UBE2G1: variants seen among roughly 807,000 people sequenced by gnomAD.
The protein encoded by UBE2G1 is ubiquitin-conjugating enzyme E2 G1.
UBE2G1 carries 5 observed loss-of-function variants against 22.7 expected under a neutral mutation model. That is an observed-to-expected ratio of 0.22 (90% CI 0.12 to 0.46). UBE2G1 has a LOEUF of 0.46. Among genes scored for constraint, UBE2G1 ranks in the 20% least tolerant of loss-of-function variants. The probability of loss-of-function intolerance (pLI) is 0.99; values close to 1 mark genes in which losing one functional copy is unlikely to be tolerated. For missense variants in UBE2G1, 88 were observed against 203.9 expected (o/e 0.43, Z 3.46); for synonymous variants, 74 against 67.5 (o/e 1.10, Z -0.47).
intron 1 of UBE2G1, among the ~76,000 whole-genome samples, chr17:4,320,091 A>G (rs1014009190): frequency 2.0e-5 from 3 of 152,050 alleles, no homozygotes. Flanking sequence ...ATAAATTTAC[A>G]TTGTCAGGAT....
At chr17:4,303,393 A>ATT (rs909059737) in intron 2 of UBE2G1, among the ~76,000 whole-genome samples, 1 of 151,176 alleles carries the variant, frequency 6.6e-6, no homozygotes, top group African/African-American at 2.4e-5. Context: ...GGAAAAAATA[A>ATT]TTTTTTTTTT....
intron 1 of UBE2G1, among the ~76,000 whole-genome samples, chr17:4,363,759 T>C (rs962805966): frequency 2.0e-5 from 3 of 151,702 alleles, no homozygotes; most frequent in African/African-American, 7.3e-5. Context: ...AAGACCATCC[T>C]GGCTAACACA....
Position 4,300,070 on chromosome 17 carries a change from C to T in UBE2G1, c.150-3256G>A, listed in dbSNP as rs188131887. On this transcript the variant is annotated intron_variant, in intron 2 of 5. Coordinates refer to ENST00000396981, the MANE Select transcript of UBE2G1 (RefSeq NM_003342.5). ...TTGAACTCCTGACCTTCTGAGCCAC[C>T]GCACCTGGCCTACCTGCTTTTTTTT... 1.0e-3 allele frequency among the ~76,000 whole-genome samples: 122 copies of T among 119,518 alleles called. 3 individuals carry two copies. In the East Asian group the frequency reaches 0.021, roughly 20 times the overall value. The allele number at this position is 119,518 out of a possible 152,430, so 78.4% of individuals were successfully genotyped here. A position where few individuals can be genotyped will look rare whatever the true frequency, so the allele number is the denominator to read the frequency against.
chr17:4,360,300 T>C (rs541216556), intron 1 of UBE2G1, among the ~76,000 whole-genome samples: 2 of 152,298 alleles, frequency 1.3e-5, no homozygotes, highest in South Asian at 4.1e-4. Context: ...TAAATCAAAC[T>C]GATCTCATTA....
intron 2 of UBE2G1, chr17:4,301,557 T>C (rs1044114448): frequency 9.7e-6 from 13 of 1,335,682 alleles, no homozygotes; most frequent in Non-Finnish European, 1.4e-5. Flanking sequence ...CTGGTATTCT[T>C]GGCCCAATGT....
chr17:4,334,218 T>G lies in UBE2G1; in HGVS notation c.47-27095A>C, dbSNP rs116998570. ...CTGGGATTACAGGCATAAGCCACCA[T>G]GCAAGGTACATTTCCATTATATTTT... On this transcript the variant is annotated intron_variant, in intron 1 of 5. Transcript: ENST00000396981. 2.5e-4 allele frequency among the ~76,000 whole-genome samples: 38 copies of G among 151,688 alleles called. No homozygotes were observed. The East Asian group carries it at 7.0e-3, about 28-fold the overall frequency.
At position 4,270,250 on chromosome 17, in the gene UBE2G1, G is replaced by T. The variant is rs1365763837; in HGVS notation, c.*2304C>A. On this transcript the variant is annotated 3_prime_UTR_variant, in exon 6 of 6. Transcript: ENST00000396981. The stretch of plus-strand genomic sequence containing the variant: ...TCATTTGCTGCTTGCTGAAGAGTCA[G>T]ATCCCAAGTTTCACCTCAACAGATT... 6.6e-6 allele frequency: 1 copy of T among 152,606 alleles called. No individual in the cohort carries two copies. The highest frequency in any genetic ancestry group is 2.4e-5 in the African/African-American group (1 of 41,440). 9.5% of individuals were successfully genotyped at this position (152,606 alleles called of 1,614,324 possible).
intron 1 of UBE2G1, among the ~76,000 whole-genome samples, chr17:4,329,480 C>T (rs1969543687): frequency 1.3e-5 from 2 of 151,640 alleles, no homozygotes; most frequent in South Asian, 4.2e-4. Context: ...ATCGCTTGAT[C>T]CCAGGAGGTA....
chr17:4,322,195 T>C (rs1026227296), intron 1 of UBE2G1, among the ~76,000 whole-genome samples: 3 of 152,234 alleles, frequency 2.0e-5, no homozygotes, highest in Non-Finnish European at 4.4e-5. Flanking sequence ...TAAGATGGTG[T>C]TGATTCCTCA....
rs533313565 is a variant in UBE2G1, at chr17:4,366,571, G to A, written c.-255C>T. The A allele has an allele frequency of 1.8e-5, 7 of 386,866 alleles. No homozygotes were observed. Among genetic ancestry groups the A allele is most frequent in the Non-Finnish European group, 2.3e-5 (5 of 216,466 alleles). 24.0% of individuals were successfully genotyped at this position (386,866 alleles called of 1,614,324 possible). A position where few individuals can be genotyped will look rare whatever the true frequency, so the allele number is the denominator to read the frequency against. ...CTGCCGCGGCGCGCACTGGGACTTC[G>A]CTCGCCCGCTTCCCTCCTTCAACCC... On this transcript the variant is annotated 5_prime_UTR_variant, in exon 1 of 6. Coordinates refer to ENST00000396981, the MANE Select transcript of UBE2G1 (RefSeq NM_003342.5).
intron 3 of UBE2G1, among the ~76,000 whole-genome samples, chr17:4,290,468 G>C (rs1225747455): frequency 6.6e-6 from 1 of 151,992 alleles, no homozygotes; most frequent in African/African-American, 2.4e-5. Flanking sequence ...GGTGTTGTCT[G>C]TTGTTGCTGT....
In UBE2G1 at chr17:4,289,224, C is replaced by A; in HGVS notation, c.426+6G>T. ...GAAGGGAAGGGAAGACGTGTGACCA[C>A]CTTACCGCAGCATCAACATTAGCAG... On this transcript the variant is annotated splice_donor_region_variant and intron_variant, in intron 4 of 5. Transcript: ENST00000396981. 6.5e-7 allele frequency: 1 copy of A among 1,541,064 alleles called. No individual in the cohort carries two copies. The highest frequency in any genetic ancestry group is 8.8e-7 in the Non-Finnish European group (1 of 1,142,498).
At chr17:4,319,976 T>A (rs922149292) in intron 1 of UBE2G1, among the ~76,000 whole-genome samples, 13 of 151,904 alleles carry the variant, frequency 8.6e-5, no homozygotes, top group Non-Finnish European at 1.5e-5. Flanking sequence ...TATATATATA[T>A]ATTTAATAAT....
chr17:4,322,665 A>G (rs968171353), intron 1 of UBE2G1, among the ~76,000 whole-genome samples: 1 of 152,206 alleles, frequency 6.6e-6, no homozygotes, highest in Admixed American at 6.5e-5. Context: ...GGAAAGTACA[A>G]ACACTGAAAG....
At position 4,293,229 on chromosome 17, in the gene UBE2G1, C is replaced by T. The variant is rs78174602; in HGVS notation, c.247+3488G>A. ...TCTTGACATTTCATATAAAGGGAAT[C>T]GTACACTATGTCACCTTTTACGACT... On this transcript the variant is annotated intron_variant, in intron 3 of 5. Coordinates refer to ENST00000396981, the MANE Select transcript of UBE2G1 (RefSeq NM_003342.5). 2.0e-3 allele frequency among the ~76,000 whole-genome samples: 302 copies of T among 152,220 alleles called. 1 individual carries two copies. Among genetic ancestry groups the T allele is most frequent in the Non-Finnish European group, 3.3e-3 (221 of 67,994 alleles).
chr17:4,318,450 T>C (rs1969401487), intron 1 of UBE2G1, among the ~76,000 whole-genome samples: 3 of 152,042 alleles, frequency 2.0e-5, no homozygotes. Flanking sequence ...GAGCTGCCAA[T>C]AGCCGCAATT....
chr17:4,366,199 G>A (rs1237298649), intron 1 of UBE2G1, 72 bp downstream of exon 1: 5 of 1,451,578 alleles, frequency 3.4e-6, no homozygotes, highest in East Asian at 3.0e-5. Context: ...TGGCCCGGGA[G>A]GAGAAGAGGG....
Position 4,300,936 on chromosome 17 carries a change from AC to A in UBE2G1, c.150-4123del, listed in dbSNP as rs201877156. Reference sequence around the variant, plus strand: ...CAACAGAGTCAGACTCTGTTTTCAAACAAAAAAAAAAGAGAGAGAGAGATAT... The same window carrying A: ...CAACAGAGTCAGACTCTGTTTTCAAAAAAAAAAAAAGAGAGAGAGAGATAT... On this transcript the variant is annotated intron_variant, in intron 2 of 5. Coordinates refer to ENST00000396981, the MANE Select transcript of UBE2G1 (RefSeq NM_003342.5). Among the ~76,000 whole-genome samples the A allele has an allele frequency of 3.6e-3, 460 of 126,066 alleles. 4 individuals are homozygous for A. The highest frequency in any genetic ancestry group is 0.014 in the Middle Eastern group (3 of 212). The allele number at this position is 126,066 out of a possible 152,430, so 82.7% of individuals were successfully genotyped here. A position where few individuals can be genotyped will look rare whatever the true frequency, so the allele number is the denominator to read the frequency against.
At chr17:4,325,064 G>A (rs1202725889) in intron 1 of UBE2G1, among the ~76,000 whole-genome samples, 9 of 151,232 alleles carry the variant, frequency 6.0e-5, no homozygotes, top group African/African-American at 1.7e-4. Flanking sequence ...GGGACAGAGC[G>A]AGACTCCGTC....
Sources: gnomAD v4.1 joint callset for allele counts (sites outside exome capture counted in the v4.1 genomes callset) on GRCh38, gnomAD v4.1.1 for gene constraint, MANE v1.5 for transcripts, NCBI Gene and HGNC (gene_info 2026-07-23, HGNC 2026-07-21) for gene names.